GRM3: variants seen among roughly 807,000 people sequenced by gnomAD.
GRM3 encodes the protein metabotropic glutamate receptor 3.
In GRM3, 26 loss-of-function variants were observed where a neutral mutation model predicts 70.5. That is an observed-to-expected ratio of 0.37 (90% CI 0.27 to 0.51). The LOEUF is 0.51. Ranked by LOEUF, GRM3 falls within the 20% of genes least tolerant of loss-of-function variation. The pLI is 0.93. For missense variants in GRM3, 859 were observed against 1,123.8 expected (o/e 0.76, Z 3.37); for synonymous variants, 443 against 434.9 (o/e 1.02, Z -0.23).
intron 1 of GRM3, among the ~76,000 whole-genome samples, chr7:86,713,612 A>G (rs745739081): frequency 6.6e-6 from 1 of 151,960 alleles, no homozygotes; most frequent in Non-Finnish European, 1.5e-5. Context: ...AATGCAACTT[A>G]GAGCTTGTTT....
intron 1 of GRM3, among the ~76,000 whole-genome samples, chr7:86,744,705 C>T (rs1397059557): frequency 6.6e-6 from 1 of 152,064 alleles, no homozygotes; most frequent in African/African-American, 2.4e-5. Flanking sequence ...GATGCATGAA[C>T]AGGTGAATAA....
intron 3 of GRM3, among the ~76,000 whole-genome samples, chr7:86,793,770 T>TCTGCTGCTG (rs529134079): frequency 4.7e-4 from 72 of 152,182 alleles, no homozygotes; most frequent in African/African-American, 1.7e-3. Context: ...GCTTGTGCTT[T>TCTGCTGCTG]CTGCTGCTGC....
At chr7:86,656,426 G>A (rs1020711447) in intron 1 of GRM3, among the ~76,000 whole-genome samples, 8 of 151,674 alleles carry the variant, frequency 5.3e-5, no homozygotes, top group South Asian at 2.1e-4. Flanking sequence ...GCACCGCCAC[G>A]GCTGGCTAGT....
At chr7:86,846,026 CT>C (rs1272066968) in intron 4 of GRM3, among the ~76,000 whole-genome samples, 4 of 151,846 alleles carry the variant, frequency 2.6e-5, no homozygotes, top group Non-Finnish European at 4.4e-5. Context: ...GATAATATCT[CT>C]TAGGGTCTTG....
intron 3 of GRM3, among the ~76,000 whole-genome samples, chr7:86,834,835 T>A (rs1256193620): frequency 6.6e-6 from 1 of 151,940 alleles, no homozygotes; most frequent in African/African-American, 2.4e-5. Flanking sequence ...AACCTGAGGG[T>A]TCTTATTCTT....
chr7:86,716,965 A>C (rs1237753620), intron 1 of GRM3, among the ~76,000 whole-genome samples: 1 of 151,968 alleles, frequency 6.6e-6, no homozygotes, highest in Non-Finnish European at 1.5e-5. Context: ...ACCTGGGTTC[A>C]AACTCTGACT....
intron 3 of GRM3, among the ~76,000 whole-genome samples, chr7:86,796,504 C>T (rs936620402): frequency 6.6e-6 from 1 of 152,238 alleles, no homozygotes; most frequent in East Asian, 1.9e-4. Flanking sequence ...CATCATGCTG[C>T]CACCTTTGTT....
At chr7:86,787,185 C>G in intron 3 of GRM3, 69 bp downstream of exon 3, 1 of 1,220,480 alleles carries the variant, frequency 8.2e-7, no homozygotes, top group Non-Finnish European at 1.2e-6. Context: ...TCAAATGCCT[C>G]TGTGCCCAAT....
At chr7:86,695,736 T>TATTAAA (rs1794800301) in intron 1 of GRM3, among the ~76,000 whole-genome samples, 2 of 152,188 alleles carry the variant, frequency 1.3e-5, no homozygotes, top group African/African-American at 4.8e-5. Flanking sequence ...GGAGATAAAG[T>TATTAAA]GTTAGATAAT....
At chr7:86,831,014 A>G (rs549800541) in intron 3 of GRM3, among the ~76,000 whole-genome samples, 66 of 152,306 alleles carry the variant, frequency 4.3e-4, no homozygotes, top group African/African-American at 1.5e-3. Context: ...GAGGCATGGG[A>G]GAGATTCTCC....
chr7:86,756,806 CCTT>C (rs1796356093), intron 1 of GRM3, among the ~76,000 whole-genome samples: 1 of 152,196 alleles, frequency 6.6e-6, no homozygotes, highest in East Asian at 1.9e-4. Context: ...ATTCATCTCT[CCTT>C]CTGAAACATT....
intron 1 of GRM3, among the ~76,000 whole-genome samples, chr7:86,733,108 A>G (rs1348018792): frequency 6.6e-6 from 1 of 151,932 alleles, no homozygotes; most frequent in African/African-American, 2.4e-5. Flanking sequence ...AGGTCAGGAG[A>G]TCGAGACCAT....
intron 3 of GRM3, among the ~76,000 whole-genome samples, chr7:86,827,752 G>A (rs891770059): frequency 6.6e-6 from 1 of 152,060 alleles, no homozygotes; most frequent in Non-Finnish European, 1.5e-5. Context: ...GACCTCAGGC[G>A]ATCCACCTCC....
intron 1 of GRM3, among the ~76,000 whole-genome samples, chr7:86,683,884 G>A (rs1794499980): frequency 6.6e-6 from 1 of 152,104 alleles, no homozygotes; most frequent in Non-Finnish European, 1.5e-5. Flanking sequence ...TGATCATGGT[G>A]TACAGTTTAT....
intron 1 of GRM3, among the ~76,000 whole-genome samples, chr7:86,695,524 A>C (rs1794795707): frequency 6.6e-6 from 1 of 152,178 alleles, no homozygotes; most frequent in South Asian, 2.1e-4. Flanking sequence ...CACTCTATTA[A>C]GGCCAAACAT....
At chr7:86,646,614 ATATATCTAGGT>A (rs1241928837) in intron 1 of GRM3, among the ~76,000 whole-genome samples, 2 of 152,156 alleles carry the variant, frequency 1.3e-5, no homozygotes, top group African/African-American at 4.8e-5. Flanking sequence ...CCTAGATACT[ATATATCTAGGT>A]ATAAAACTGT....
At chr7:86,706,935 A>T (rs972500689) in intron 1 of GRM3, among the ~76,000 whole-genome samples, 4 of 152,082 alleles carry the variant, frequency 2.6e-5, no homozygotes, top group African/African-American at 9.7e-5. Context: ...TTGTCATACA[A>T]TTTTGCACTT....
chr7:86,723,099 A>G (rs1440671106), intron 1 of GRM3, among the ~76,000 whole-genome samples: 2 of 152,100 alleles, frequency 1.3e-5, no homozygotes, highest in Non-Finnish European at 2.9e-5. Flanking sequence ...TTAAATGACA[A>G]TTAGAATTAA....
chr7:86,775,899 G>GTTGC (rs925330830), intron 2 of GRM3: 23 of 151,920 alleles, frequency 1.5e-4, no homozygotes, highest in Non-Finnish European at 2.9e-5. Context: ...AGTGTAATTA[G>GTTGC]TTGCTCTTCA....
Sources: allele counts gnomAD v4.1 joint callset (sites outside exome capture counted in the v4.1 genomes callset), GRCh38; gene constraint gnomAD v4.1.1; transcripts MANE v1.5; gene names NCBI Gene and HGNC (gene_info 2026-07-23, HGNC 2026-07-21).